Variants in ACTR3C observed in about 807,000 individuals in gnomAD.
ACTR3C encodes actin-related protein 3C.
Under a neutral mutation model 26.3 loss-of-function variants are expected in ACTR3C, and 18 were observed. That is an observed-to-expected ratio of 0.68 (90% confidence interval 0.47 to 1.01). The LOEUF (loss-of-function observed/expected upper bound fraction) is 1.01, where lower values mean the gene tolerates loss of function less well. Among genes scored for constraint, ACTR3C ranks in the 50% least tolerant of loss-of-function variants. The probability of loss-of-function intolerance (pLI) is 0.00; values close to 1 mark genes in which losing one functional copy is unlikely to be tolerated. For synonymous variants in ACTR3C, 55 were observed against 94.5 expected (o/e 0.58, Z 2.42); for missense variants, 184 against 250.7 (o/e 0.73, Z 1.80).
chr7:150,018,278 G>A, the ACTR3C span, among the ~76,000 whole-genome samples: 51,521 of 148,804 alleles, frequency 0.35, 10,116 homozygotes, highest in East Asian at 0.44. Flanking sequence ...TCTCCTGACC[G>A]TGTGATACAC....
At chr7:149,953,711 A>T in the ACTR3C span, among the ~76,000 whole-genome samples, 1 of 151,888 alleles carries the variant, frequency 6.6e-6, no homozygotes, top group Non-Finnish European at 1.5e-5. Flanking sequence ...CTCTCCTTTC[A>T]GGACTCATAA....
the ACTR3C span, among the ~76,000 whole-genome samples, chr7:150,134,043 G>C: frequency 6.6e-6 from 1 of 152,078 alleles, no homozygotes; most frequent in Non-Finnish European, 1.5e-5. Flanking sequence ...GCCTGGCCAA[G>C]AGATTTCTTA....
At chr7:149,900,762 G>T in the ACTR3C span, among the ~76,000 whole-genome samples, 1 of 152,140 alleles carries the variant, frequency 6.6e-6, no homozygotes, top group African/African-American at 2.4e-5. Context: ...GGGGGGCCAG[G>T]CACAGTGGCT....
chr7:149,927,415 T>C, the ACTR3C span, among the ~76,000 whole-genome samples: 1 of 118,170 alleles, frequency 8.5e-6, no homozygotes, highest in Admixed American at 9.8e-5. Context: ...TCTCACAATA[T>C]GTGGAATGAC....
intron 6 of ACTR3C, among the ~76,000 whole-genome samples, chr7:150,263,845 T>C (rs1478003683): frequency 6.6e-6 from 1 of 152,266 alleles, no homozygotes; most frequent in Non-Finnish European, 1.5e-5. Flanking sequence ...AAATAGCAAT[T>C]CTATTTGTTT....
chr7:149,999,797 C>T, the ACTR3C span, among the ~76,000 whole-genome samples: 4 of 151,778 alleles, frequency 2.6e-5, no homozygotes, highest in Non-Finnish European at 4.4e-5. Context: ...GGGGAGCACA[C>T]GGTGAATACC....
chr7:150,045,147 C>T, the ACTR3C span: 2 of 152,370 alleles, frequency 1.3e-5, no homozygotes, highest in Admixed American at 1.3e-4. Flanking sequence ...ACTCTAGATT[C>T]TTCAGTCTTG....
chr7:149,986,662 T>C, the ACTR3C span, among the ~76,000 whole-genome samples: 1 of 152,164 alleles, frequency 6.6e-6, no homozygotes, highest in Non-Finnish European at 1.5e-5. Flanking sequence ...TTTCTGCATT[T>C]AACATCATTT....
At chr7:149,941,157 C>T in the ACTR3C span, among the ~76,000 whole-genome samples, 4 of 152,182 alleles carry the variant, frequency 2.6e-5, no homozygotes, top group African/African-American at 7.2e-5. Context: ...AAGGGCCAGC[C>T]GTCTGAGAGA....
At chr7:149,908,182 G>A in the ACTR3C span, among the ~76,000 whole-genome samples, 11 of 152,276 alleles carry the variant, frequency 7.2e-5, no homozygotes, top group East Asian at 1.9e-4. Context: ...CAGGCCGTGG[G>A]GAGAGGCCTC....
the ACTR3C span, among the ~76,000 whole-genome samples, chr7:150,192,593 T>A: frequency 6.6e-6 from 1 of 152,206 alleles, no homozygotes; most frequent in Non-Finnish European, 1.5e-5. Flanking sequence ...TGAGCCATCA[T>A]ACCTGGCCCC....
chr7:150,179,069 G>A, the ACTR3C span, among the ~76,000 whole-genome samples: 1 of 148,384 alleles, frequency 6.7e-6, no homozygotes, highest in South Asian at 2.1e-4. Context: ...CCAAAATGTA[G>A]AAAGAAATCT....
the ACTR3C span, among the ~76,000 whole-genome samples, chr7:150,229,163 G>A: frequency 6.6e-6 from 1 of 151,806 alleles, no homozygotes; most frequent in African/African-American, 2.4e-5. Flanking sequence ...CTTCCAATCT[G>A]TTATATATTT....
chr7:150,127,626 C>T, the ACTR3C span, among the ~76,000 whole-genome samples: 3 of 152,120 alleles, frequency 2.0e-5, no homozygotes, highest in South Asian at 2.1e-4. Flanking sequence ...AAATAAAATA[C>T]CAACAACTAG....
chr7:150,040,219 A>AG, the ACTR3C span, among the ~76,000 whole-genome samples: 1 of 147,950 alleles, frequency 6.8e-6, no homozygotes, highest in Non-Finnish European at 1.5e-5. Context: ...GCCCTCTAAT[A>AG]GGGGGGCCAT....
At chr7:150,023,342 T>C in the ACTR3C span, among the ~76,000 whole-genome samples, 93 of 18,114 alleles carry the variant, frequency 5.1e-3, no homozygotes, top group Middle Eastern at 0.036. Context: ...TACATACATA[T>C]ATATTTTAGA....
chr7:150,077,214 G>A, the ACTR3C span, among the ~76,000 whole-genome samples: 20,509 of 148,232 alleles, frequency 0.14, 1,421 homozygotes, highest in South Asian at 0.2. Flanking sequence ...CCATTAAACC[G>A]AATGGCAAAG....
chr7:149,959,629 C>T, the ACTR3C span, among the ~76,000 whole-genome samples: 1 of 152,178 alleles, frequency 6.6e-6, no homozygotes, highest in South Asian at 2.1e-4. Context: ...CAGGGGGATG[C>T]AGAGAGGTGG....
chr7:150,005,368 C>T, the ACTR3C span, among the ~76,000 whole-genome samples: 8 of 152,158 alleles, frequency 5.3e-5, no homozygotes, highest in Admixed American at 2.0e-4. Flanking sequence ...GTCAGCCAGC[C>T]CATCATCCCA....
Sources: allele counts gnomAD v4.1 joint callset (sites outside exome capture counted in the v4.1 genomes callset), GRCh38; gene constraint gnomAD v4.1.1; transcripts MANE v1.5; gene names NCBI Gene and HGNC (gene_info 2026-07-23, HGNC 2026-07-21).